The following AKT3 variants were observed in gnomAD, a reference collection of about 807,000 sequenced individuals.
AKT3 encodes the protein RAC-gamma serine/threonine-protein kinase.
A neutral mutation model predicts 65.3 loss-of-function variants in AKT3; 15 were observed. That is an observed-to-expected ratio of 0.23 (90% CI 0.15 to 0.35). AKT3 has a LOEUF of 0.35. Ranked by LOEUF, AKT3 falls within the 10% of genes least tolerant of loss-of-function variation. The pLI is 1.00. For synonymous variants in AKT3, 206 were observed against 183.8 expected (o/e 1.12, Z -0.98); for missense variants, 243 against 576.5 (o/e 0.42, Z 5.92).
intron 2 of AKT3, among the ~76,000 whole-genome samples, chr1:243,809,047 G>C (rs1692944150): frequency 6.6e-6 from 1 of 152,146 alleles, no homozygotes; most frequent in Non-Finnish European, 1.5e-5. Context: ...AACATGGAAA[G>C]GAACAACCAG....
intron 2 of AKT3, among the ~76,000 whole-genome samples, chr1:243,827,554 T>C (rs925193443): frequency 4.6e-5 from 7 of 152,170 alleles, no homozygotes; most frequent in Non-Finnish European, 8.8e-5. Context: ...TGGAAATGTC[T>C]TAGCTCCTAA....
intron 8 of AKT3, among the ~76,000 whole-genome samples, chr1:243,589,835 A>C (rs1410729880): frequency 1.3e-5 from 2 of 152,186 alleles, no homozygotes; most frequent in Non-Finnish European, 2.9e-5. Flanking sequence ...GATTTCTTGG[A>C]TATGAAGAAG....
intron 2 of AKT3, among the ~76,000 whole-genome samples, chr1:243,809,266 T>C (rs1479085311): frequency 6.6e-6 from 1 of 152,194 alleles, no homozygotes; most frequent in Non-Finnish European, 1.5e-5. Context: ...GACCCATCAG[T>C]GTGCTGTATT....
intron 5 of AKT3, among the ~76,000 whole-genome samples, chr1:243,641,286 ACACG>A (rs1364972950): frequency 1.3e-5 from 2 of 150,144 alleles, no homozygotes; most frequent in Non-Finnish European, 3.0e-5. Context: ...ACACACACAC[ACACG>A]CACACACACA....
At chr1:243,798,048 A>G (rs1692134917) in intron 2 of AKT3, among the ~76,000 whole-genome samples, 2 of 150,570 alleles carry the variant, frequency 1.3e-5, no homozygotes, top group African/African-American at 4.9e-5. Flanking sequence ...ACACCCGTCT[A>G]ATTTTCTGTA....
At chr1:243,563,678 T>C (rs1295481587) in intron 10 of AKT3, 42 bp downstream of exon 10, 1 of 1,561,806 alleles carries the variant, frequency 6.4e-7, no homozygotes, top group Non-Finnish European at 8.6e-7. Context: ...TTGCAAATCA[T>C]TATGTCAATG....
chr1:243,810,340 A>C (rs1025807616), intron 2 of AKT3, among the ~76,000 whole-genome samples: 15 of 152,142 alleles, frequency 9.9e-5, no homozygotes, highest in African/African-American at 2.9e-4. Context: ...ATGATAAAGG[A>C]GATATCACCA....
chr1:243,699,470 T>C (rs1269576892), intron 2 of AKT3, among the ~76,000 whole-genome samples: 9 of 4,506 alleles, frequency 2.0e-3, no homozygotes, highest in Non-Finnish European at 7.0e-3. Context: ...TTCCACTATA[T>C]ATATATATAT....
intron 2 of AKT3, among the ~76,000 whole-genome samples, chr1:243,804,219 G>T (rs954195887): frequency 2.6e-5 from 4 of 152,144 alleles, no homozygotes; most frequent in Admixed American, 2.6e-4. Flanking sequence ...TCAGAGAGAA[G>T]CCCTCAGTTA....
At chr1:243,749,253 A>G (rs1358012663) in intron 2 of AKT3, among the ~76,000 whole-genome samples, 1 of 152,168 alleles carries the variant, frequency 6.6e-6, no homozygotes, top group Non-Finnish European at 1.5e-5. Context: ...CTGCTATACT[A>G]AATCACGAAA....
chr1:243,698,768 G>A (rs889257550), intron 2 of AKT3, among the ~76,000 whole-genome samples: 5 of 151,958 alleles, frequency 3.3e-5, no homozygotes, highest in Admixed American at 2.0e-4. Context: ...CAATTATACT[G>A]TGATACTAAG....
intron 2 of AKT3, among the ~76,000 whole-genome samples, chr1:243,810,497 G>A (rs1005316870): frequency 6.6e-5 from 10 of 152,158 alleles, no homozygotes; most frequent in African/African-American, 9.6e-5. Flanking sequence ...ATCTCTGAAA[G>A]GACCAATAAC....
chr1:243,674,905 C>T (rs1334523486), intron 3 of AKT3, among the ~76,000 whole-genome samples: 1 of 152,162 alleles, frequency 6.6e-6, no homozygotes, highest in Non-Finnish European at 1.5e-5. Context: ...GAGATATGGG[C>T]TTCTAGTGAA....
intron 2 of AKT3, among the ~76,000 whole-genome samples, chr1:243,710,128 G>A (rs1325160142): frequency 6.6e-6 from 1 of 152,062 alleles, no homozygotes; most frequent in African/African-American, 2.4e-5. Context: ...GTATTTTGAT[G>A]AGGCACAATT....
intron 8 of AKT3, among the ~76,000 whole-genome samples, chr1:243,579,203 T>C (rs919369073): frequency 9.9e-5 from 15 of 152,194 alleles, no homozygotes; most frequent in African/African-American, 3.6e-4. Context: ...GGTTTTATTT[T>C]GACATGCTGA....
chr1:243,517,808 C>A (rs551373456), intron 12 of AKT3, among the ~76,000 whole-genome samples: 1 of 152,304 alleles, frequency 6.6e-6, no homozygotes, highest in South Asian at 2.1e-4. Flanking sequence ...ATTATTGATA[C>A]GAGTAAGATT....
chr1:243,679,871 A>G (rs1395297223), intron 3 of AKT3, among the ~76,000 whole-genome samples: 1 of 152,210 alleles, frequency 6.6e-6, no homozygotes, highest in East Asian at 1.9e-4. Flanking sequence ...TTTATGAGGC[A>G]AACAGTAAAT....
chr1:243,821,270 A>C (rs767450263), intron 2 of AKT3, among the ~76,000 whole-genome samples: 4 of 152,194 alleles, frequency 2.6e-5, no homozygotes, highest in Admixed American at 6.5e-5. Flanking sequence ...GCTTTGCAAG[A>C]GCTCCTAAAG....
intron 2 of AKT3, among the ~76,000 whole-genome samples, chr1:243,816,570 G>C (rs1256738841): frequency 2.0e-5 from 3 of 151,754 alleles, no homozygotes; most frequent in Non-Finnish European, 2.9e-5. Flanking sequence ...TCAAGAAAAG[G>C]CATCTAAAAT....
Sources: gnomAD v4.1 joint callset for allele counts (sites outside exome capture counted in the v4.1 genomes callset) on GRCh38, gnomAD v4.1.1 for gene constraint, MANE v1.5 for transcripts, NCBI Gene and HGNC (gene_info 2026-07-23, HGNC 2026-07-21) for gene names.